Variants in CIT observed in about 807,000 individuals in gnomAD.
CIT encodes the protein citron rho-interacting serine/threonine kinase, also known as citron Rho-interacting kinase.
CIT carries 79 observed loss-of-function variants against 272.7 expected under a neutral mutation model. That is an observed-to-expected ratio of 0.29 (90% CI 0.24 to 0.35). The LOEUF (loss-of-function observed/expected upper bound fraction) is 0.35. CIT is among the 10% of genes least tolerant of loss of function. The pLI is 1.00. For missense variants in CIT, 1,909 were observed against 2,618.3 expected (o/e 0.73, Z 5.91); for synonymous variants, 948 against 995.6 (o/e 0.95, Z 0.90).
At position 119,804,139 on chromosome 12, in the gene CIT, C is replaced by T. The variant is rs1296015166; in HGVS notation, c.1112-750G>A. The T allele has an allele frequency of 2.0e-6, 2 of 984,394 alleles. No individual in the cohort carries two copies. Among genetic ancestry groups the T allele is most frequent in the African/African-American group, 1.7e-5 (1 of 57,202 alleles). The allele number at this position is 984,394 out of a possible 1,614,324, so 61.0% of individuals were successfully genotyped here. On this transcript the variant is annotated intron_variant, in intron 9 of 47. Transcript: ENST00000392521. This position sits in a 1 kb window ranked among gnomAD's most constrained non-coding sequence, Gnocchi z 5.3. ...CCTGCGCGCTGACGGTGGGAATGCA[C>T]GGATGGACATATGCGGCTCCTACCT...
intron 16 of CIT, 86 bp from the exon 17 acceptor site, chr12:119,772,996 A>G: frequency 8.7e-7 from 1 of 1,145,122 alleles, no homozygotes; most frequent in Non-Finnish European, 1.2e-6. Context: ...CATGTATCCC[A>G]GAACTTAAAG....
intron 8 of CIT, among the ~76,000 whole-genome samples, chr12:119,824,411 G>C (rs1463795782): frequency 6.6e-6 from 1 of 152,026 alleles, no homozygotes; most frequent in East Asian, 1.9e-4. Context: ...TCAATTCTAA[G>C]ACTCACAGTT....
intron 3 of CIT, among the ~76,000 whole-genome samples, chr12:119,865,591 T>C (rs11064943): frequency 0.053 from 8,047 of 152,192 alleles, 429 homozygotes; most frequent in African/African-American, 0.14. Flanking sequence ...TTATTCCCAA[T>C]GGGCGTGGTG....
chr12:119,710,654 A>G lies in CIT; in HGVS notation c.4855-34T>C, dbSNP rs1168807577. 1 of 1,585,564 alleles carries G rather than the reference A, an allele frequency of 6.3e-7. No individual in the cohort carries two copies. The highest frequency in any genetic ancestry group is 8.7e-7 in the Non-Finnish European group (1 of 1,153,972). On this transcript the variant is annotated intron_variant, in intron 37 of 47. Transcript: ENST00000392521. The surrounding 1 kb of genome is among the most constrained non-coding windows in gnomAD (Gnocchi z 5.6). ...AGGTGAAAGAAAAGAAAAACAGAAG[A>G]CATCGTGAGGCTGATCTGTTTATGA...
chr12:119,844,167 G>A (rs769220394), intron 5 of CIT, among the ~76,000 whole-genome samples: 4 of 151,696 alleles, frequency 2.6e-5, no homozygotes, highest in Non-Finnish European at 4.4e-5. Flanking sequence ...GATTACAGGC[G>A]CCCACCATCA....
intron 10 of CIT, among the ~76,000 whole-genome samples, chr12:119,787,730 CAAAAAAAA>C: frequency 2.0e-5 from 1 of 49,064 alleles, no homozygotes; most frequent in South Asian, 1.1e-3. Context: ...GACTCCGTCT[CAAAAAAAA>C]AAAAAAAAAA....
In CIT at chr12:119,752,035, G is replaced by T. The variant is rs373709545; in HGVS notation, c.2904+15C>A. On this transcript the variant is annotated intron_variant, in intron 23 of 47. Coordinates refer to ENST00000392521, the MANE Select transcript of CIT (RefSeq NM_001206999.2). The stretch of plus-strand genomic sequence containing the variant: ...AGGCCTTTAGCAACCTGAAGATGTT[G>T]CTCCCCAGACCTACCGTGAGTGCCT... 4 of 1,603,714 alleles carry T rather than the reference G, an allele frequency of 2.5e-6. No individual in the cohort carries two copies. The highest frequency in any genetic ancestry group is 2.6e-6 in the Non-Finnish European group (3 of 1,174,530).
intron 40 of CIT, among the ~76,000 whole-genome samples, chr12:119,705,060 G>A (rs558100442): frequency 7.2e-5 from 11 of 152,158 alleles, no homozygotes; most frequent in Admixed American, 3.3e-4. Flanking sequence ...CCACAGGTGC[G>A]CACCACCATG....
intron 5 of CIT, among the ~76,000 whole-genome samples, chr12:119,847,715 AC>A (rs775072789): frequency 1.1e-4 from 17 of 152,074 alleles, no homozygotes; most frequent in Non-Finnish European, 1.0e-4. Flanking sequence ...ACATGGCGAA[AC>A]CCCGTCTCTA....
chr12:119,688,100 G>T lies in CIT; in HGVS notation c.*132C>A. 1 of 952,850 alleles carries T rather than the reference G, an allele frequency of 1.0e-6. No individual in the cohort carries two copies. Among genetic ancestry groups the T allele is most frequent in the Non-Finnish European group, 1.7e-6 (1 of 592,560 alleles). The allele number at this position is 952,850 out of a possible 1,614,324, so 59.0% of individuals were successfully genotyped here. A position where few individuals can be genotyped will look rare whatever the true frequency, so the allele number is the denominator to read the frequency against. On this transcript the variant is annotated 3_prime_UTR_variant, in exon 48 of 48. Transcript: ENST00000392521. ...TGGAGACAGGGGTGTCCGTGCCGAG[G>T]TGGGTCTGGGCCCCGCTGAGCCAGA...
Position 119,697,305 on chromosome 12 carries a change from T to C in CIT, c.5882+354A>G. On this transcript the variant is annotated intron_variant, in intron 46 of 47. Transcript: ENST00000392521. The surrounding 1 kb of genome is among the most constrained non-coding windows in gnomAD (Gnocchi z 4.9). ...AGTGCCATCAGGGAGGGGCTACATC[T>C]GCTTTATTCACCATTCTCCCTCCCC... is the stretch of plus-strand genomic sequence containing the variant. Among the ~76,000 whole-genome samples, 1 of 152,164 alleles carries C rather than the reference T, an allele frequency of 6.6e-6. No homozygotes were observed. The highest frequency in any genetic ancestry group is 1.9e-4 in the East Asian group (1 of 5,180).
intron 23 of CIT, among the ~76,000 whole-genome samples, chr12:119,750,567 G>C (rs980059391): frequency 6.6e-6 from 1 of 151,804 alleles, no homozygotes. Context: ...TCTGAACTTG[G>C]TGTAAGTCCT....
intron 32 of CIT, among the ~76,000 whole-genome samples, chr12:119,715,605 A>G (rs1957418458): frequency 6.6e-6 from 1 of 152,194 alleles, no homozygotes; most frequent in South Asian, 2.1e-4. Context: ...TTGTTCAAAA[A>G]TTAGAATGTG....
intron 3 of CIT, among the ~76,000 whole-genome samples, chr12:119,858,040 A>G (rs1950222371): frequency 6.6e-6 from 1 of 152,224 alleles, no homozygotes; most frequent in Admixed American, 6.5e-5. Flanking sequence ...GCTTATTAGC[A>G]TTTAGACTGG....
At chr12:119,862,179 G>A (rs1950359978) in intron 3 of CIT, among the ~76,000 whole-genome samples, 1 of 152,064 alleles carries the variant, frequency 6.6e-6, no homozygotes, top group Non-Finnish European at 1.5e-5. Context: ...TGTATTTTTA[G>A]GAGACTGGTA....
At chr12:119,845,897 C>T (rs559440842) in intron 5 of CIT, among the ~76,000 whole-genome samples, 1 of 151,386 alleles carries the variant, frequency 6.6e-6, no homozygotes, top group East Asian at 1.9e-4. Flanking sequence ...GCCGAGAACA[C>T]GCCACTGCAC....
chr12:119,701,826 T>C lies in CIT; in HGVS notation c.5413+24A>G, dbSNP rs751845241. 6.8e-6 allele frequency: 11 copies of C among 1,613,872 alleles called. No individual in the cohort carries two copies. The Admixed American group carries it at 1.0e-4, about 15-fold the overall frequency. ...CAGCGCGGCCTGAGCCATGGGTGGG[T>C]GCGAAAGTGGAGGTGGGTCCTACCC... On this transcript the variant is annotated intron_variant, in intron 42 of 47. Transcript: ENST00000392521.
intron 5 of CIT, among the ~76,000 whole-genome samples, chr12:119,848,300 T>C (rs1023213338): frequency 2.0e-5 from 3 of 152,114 alleles, no homozygotes; most frequent in African/African-American, 7.2e-5. Flanking sequence ...TTATTTTAGG[T>C]CAGGAATAAA....
At chr12:119,761,216 G>A (rs190307009) in intron 19 of CIT, among the ~76,000 whole-genome samples, 161 bp from the exon 20 acceptor site, 22 of 152,282 alleles carry the variant, frequency 1.4e-4, no homozygotes, top group African/African-American at 4.8e-4. Flanking sequence ...CTGGGAGTCC[G>A]CTTATCAATC....
Sources: allele counts gnomAD v4.1 joint callset (sites outside exome capture counted in the v4.1 genomes callset), GRCh38; gene constraint gnomAD v4.1.1; non-coding constraint Gnocchi (gnomAD v3.1); transcripts MANE v1.5; gene names NCBI Gene and HGNC (gene_info 2026-07-23, HGNC 2026-07-21).